The following ARHGEF9 variants were observed in gnomAD, a reference collection of about 807,000 sequenced individuals.
The protein encoded by ARHGEF9 is Cdc42 guanine nucleotide exchange factor 9.
In ARHGEF9, 2 loss-of-function variants were observed where a neutral mutation model predicts 41.3. That is an observed-to-expected ratio of 0.05 (90% CI 0.02 to 0.15). The LOEUF is 0.15. Ranked by LOEUF, ARHGEF9 falls within the 10% of genes least tolerant of loss-of-function variation. The pLI, the probability that ARHGEF9 is intolerant of heterozygous loss-of-function variation, is 1.00. For missense variants in ARHGEF9, 225 were observed against 424.7 expected, an observed-to-expected ratio of 0.53 and a Z score of 4.13; for synonymous variants, 160 against 154.4, an observed-to-expected ratio of 1.04 and a Z score of -0.27.
At chrX:63,687,434 G>T (rs782279639) in intron 4 of ARHGEF9, among the ~76,000 whole-genome samples, 2 of 111,275 alleles carry the variant, frequency 1.8e-5, no homozygotes, top group Non-Finnish European at 3.8e-5. Context: ...CTGGAATAAA[G>T]AACTAATCCT....
At chrX:63,752,608 C>T (rs1330259157) in intron 1 of ARHGEF9, among the ~76,000 whole-genome samples, 1 of 111,396 alleles carries the variant, frequency 9.0e-6, no homozygotes. Flanking sequence ...AGAACCAATG[C>T]CAGCAAACCT....
rs183057334 is a variant in ARHGEF9 at position 63,749,281 on chromosome X, G to C, written c.31-24570C>G. The stretch of plus-strand genomic sequence containing the variant: ...GACTCTCGCTCTGTCACCCAGGCTG[G>C]AGTGCAGTGGCATGATCTCGGCTCA... On this transcript the variant is annotated intron_variant, in intron 1 of 9. Transcript: ENST00000671741. Among the ~76,000 whole-genome samples, 324 of 111,538 alleles carry C rather than the reference G, an allele frequency of 2.9e-3. 1 individual carries two copies. The highest frequency in any genetic ancestry group is 4.7e-3 in the Non-Finnish European group (249 of 53,056).
At chrX:63,777,204 A>G (rs1432782490) in intron 1 of ARHGEF9, among the ~76,000 whole-genome samples, 5 of 111,643 alleles carry the variant, frequency 4.5e-5, no homozygotes, top group African/African-American at 1.6e-4. Context: ...GGAAGCAAAC[A>G]CATCATTATT....
At chrX:63,754,482 C>T in intron 1 of ARHGEF9, 3 of 1,111,825 alleles carry the variant, frequency 2.7e-6, no homozygotes, top group Non-Finnish European at 3.5e-6. Flanking sequence ...GGCTGGACTC[C>T]ATTCAGCGCG....
intron 1 of ARHGEF9, among the ~76,000 whole-genome samples, chrX:63,762,768 G>T (rs1284093352): frequency 1.8e-5 from 2 of 111,050 alleles, no homozygotes; most frequent in Non-Finnish European, 3.8e-5. Flanking sequence ...AAGTATACCT[G>T]CCTCTCCTGC....
chrX:63,771,496 C>T (rs1215613828), intron 1 of ARHGEF9, among the ~76,000 whole-genome samples: 2 of 111,435 alleles, frequency 1.8e-5, no homozygotes, highest in South Asian at 3.8e-4. Context: ...ACGAGATTTA[C>T]GTTTAAATTG....
intron 7 of ARHGEF9, chrX:63,658,150 T>C (rs2048988130): frequency 8.9e-6 from 1 of 112,110 alleles, no homozygotes; most frequent in Non-Finnish European, 1.9e-5. Context: ...TCTTTAGATA[T>C]GTAAGGATGA....
chrX:63,719,645 C>T, intron 2 of ARHGEF9: 1 of 297,287 alleles, frequency 3.4e-6, no homozygotes, highest in Non-Finnish European at 5.9e-6. Flanking sequence ...GGTAAGAGAG[C>T]ATTGAAGCAC....
At chrX:63,713,701 T>TACACACACACACACACACAC (rs59012226) in intron 2 of ARHGEF9, among the ~76,000 whole-genome samples, 7 of 94,291 alleles carry the variant, frequency 7.4e-5, no homozygotes, top group African/African-American at 2.8e-4. Flanking sequence ...CCACTTCACA[T>TACACACACACACACACACAC]ACACACACAC....
intron 5 of ARHGEF9, among the ~76,000 whole-genome samples, chrX:63,675,655 T>C (rs1369416514): frequency 1.8e-5 from 2 of 112,393 alleles, no homozygotes; most frequent in Non-Finnish European, 3.8e-5. Flanking sequence ...AACATTTCCG[T>C]AGTAGAGCCA....
intron 1 of ARHGEF9, among the ~76,000 whole-genome samples, chrX:63,749,667 C>T (rs1218301065): frequency 8.9e-6 from 1 of 112,365 alleles, no homozygotes; most frequent in Non-Finnish European, 1.9e-5. Context: ...CTGGGAATTA[C>T]AATCATCTCT....
chrX:63,697,996 T>C (rs1305499441), intron 3 of ARHGEF9, among the ~76,000 whole-genome samples: 1 of 109,541 alleles, frequency 9.1e-6, no homozygotes, highest in Non-Finnish European at 1.9e-5. Context: ...ATTTCTCAAC[T>C]ATCTGAGGTA....
intron 3 of ARHGEF9, chrX:63,701,472 C>T (rs2052173918): frequency 9.0e-6 from 1 of 111,211 alleles, no homozygotes; most frequent in South Asian, 3.8e-4. Flanking sequence ...GCCGTATCCT[C>T]AAAGTTTAAC....
At chrX:63,744,456 G>A (rs1206827325) in intron 1 of ARHGEF9, among the ~76,000 whole-genome samples, 2 of 112,446 alleles carry the variant, frequency 1.8e-5, no homozygotes, top group Non-Finnish European at 3.8e-5. Context: ...AATCAGGACA[G>A]CTCCAGCACC....
rs2050362032 is a variant in ARHGEF9 at position 63,677,848 on chromosome X, GC to G, written c.815+491del. ...AGAAACTAACATAGCTTTGAGCTAT[GC>G]TTAAAAACTTTTTTCTGGAACTTTT... On this transcript the variant is annotated intron_variant, in intron 5 of 9. Coordinates refer to ENST00000671741, the MANE Select transcript of ARHGEF9 (RefSeq NM_001353921.2). Among the ~76,000 whole-genome samples the G allele has an allele frequency of 2.7e-5, 3 of 112,034 alleles. No homozygotes were observed. In the Admixed American group the frequency reaches 2.8e-4, roughly 11 times the overall value.
At chrX:63,656,397 G>C (rs190962193) in intron 7 of ARHGEF9, 1 of 112,296 alleles carries the variant, frequency 8.9e-6, no homozygotes, top group East Asian at 2.8e-4. Flanking sequence ...ATTTGTTATT[G>C]TTGTTTTGCT....
rs1248597015 is a variant in ARHGEF9 at position 63,711,824 on chromosome X, A to G, written c.211-5375T>C. On this transcript the variant is annotated intron_variant, in intron 2 of 9. Coordinates refer to ENST00000671741, the MANE Select transcript of ARHGEF9 (RefSeq NM_001353921.2). ...CAAAATTAAAAACTTTGTGCTACAA[A>G]TGATACCATCAATAAAGTGAAAAGG... Among the ~76,000 whole-genome samples, 36 of 112,698 alleles carry G rather than the reference A, an allele frequency of 3.2e-4. 1 individual carries two copies. The highest frequency in any genetic ancestry group is 9.4e-5 in the Admixed American group (1 of 10,679).
chrX:63,749,392 G>A (rs1285601305), intron 1 of ARHGEF9, among the ~76,000 whole-genome samples: 11 of 111,356 alleles, frequency 9.9e-5, no homozygotes, highest in South Asian at 3.8e-4. Flanking sequence ...CACCACGCCC[G>A]GCTAATTTTT....
At chrX:63,691,312 T>A (rs1931558) in intron 4 of ARHGEF9, among the ~76,000 whole-genome samples, 2,695 of 110,777 alleles carry the variant, frequency 0.024, 53 homozygotes, top group African/African-American at 0.052. Context: ...AAAATCAACA[T>A]ACAAAAAGCA....
Sources: gnomAD v4.1 joint callset for allele counts (sites outside exome capture counted in the v4.1 genomes callset) on GRCh38, gnomAD v4.1.1 for gene constraint, MANE v1.5 for transcripts, NCBI Gene and HGNC (gene_info 2026-07-23, HGNC 2026-07-21) for gene names.